CD2AP: variants seen among roughly 807,000 people sequenced by gnomAD.
CD2AP encodes the protein CD2-associated protein.
In CD2AP, 46 loss-of-function variants were observed where a neutral mutation model predicts 85.1. That is an observed-to-expected ratio of 0.54 (90% CI 0.43 to 0.69). The LOEUF (loss-of-function observed/expected upper bound fraction) is 0.69, where lower values mean the gene tolerates loss of function less well. CD2AP is among the 30% of genes least tolerant of loss of function. CD2AP has a pLI of 0.00. For synonymous variants in CD2AP, 255 were observed against 252.9 expected, an observed-to-expected ratio of 1.01 and a Z score of -0.08; for missense variants, 769 against 729.5, an observed-to-expected ratio of 1.05 and a Z score of -0.62.
At position 47,478,238 on chromosome 6, in the gene CD2AP, C is replaced by A; in HGVS notation, c.-7C>A. 6.4e-7 allele frequency: 1 copy of A among 1,572,106 alleles called. No individual in the cohort carries two copies. Among genetic ancestry groups the A allele is most frequent in the Non-Finnish European group, 8.6e-7 (1 of 1,159,240 alleles). ...GACGTCGGCTTCTCCCCGCGGGAGCCCCCAGCATGGGTAAGAGACTCGGGC... is the reference window on the plus strand; with the variant it reads ...GACGTCGGCTTCTCCCCGCGGGAGCACCCAGCATGGGTAAGAGACTCGGGC... On this transcript the variant is annotated 5_prime_UTR_variant, in exon 1 of 18. Coordinates refer to ENST00000359314, the MANE Select transcript of CD2AP (RefSeq NM_012120.3).
chr6:47,566,393 T>C (rs1458753828), intron 5 of CD2AP, among the ~76,000 whole-genome samples: 1 of 151,114 alleles, frequency 6.6e-6, no homozygotes, highest in Non-Finnish European at 1.5e-5. Flanking sequence ...CTCTGATATG[T>C]TGATGCTCAG....
intron 5 of CD2AP, among the ~76,000 whole-genome samples, chr6:47,561,190 G>A (rs1170988336): frequency 1.3e-5 from 2 of 152,150 alleles, no homozygotes; most frequent in Non-Finnish European, 2.9e-5. Flanking sequence ...TATACAATCT[G>A]ATGAGTTTGA....
intron 17 of CD2AP, among the ~76,000 whole-genome samples, chr6:47,622,795 C>T (rs1306612739): frequency 3.3e-5 from 5 of 152,170 alleles, no homozygotes; most frequent in Non-Finnish European, 7.3e-5. Flanking sequence ...TTAAAATACA[C>T]AATGCGAGTC....
chr6:47,497,210 T>C (rs1562003426), intron 1 of CD2AP, among the ~76,000 whole-genome samples: 1 of 151,876 alleles, frequency 6.6e-6, no homozygotes. Flanking sequence ...CCCTTTTTGC[T>C]TTCCCCTTTT....
chr6:47,545,692 G>T (rs561259082), intron 4 of CD2AP, among the ~76,000 whole-genome samples: 5 of 152,118 alleles, frequency 3.3e-5, no homozygotes, highest in African/African-American at 1.2e-4. Flanking sequence ...TCACATCACG[G>T]GACTCTGTGC....
chr6:47,563,400 T>A (rs1045244476), intron 5 of CD2AP, among the ~76,000 whole-genome samples: 8 of 152,224 alleles, frequency 5.3e-5, no homozygotes, highest in African/African-American at 1.9e-4. Flanking sequence ...CAGGAAACAT[T>A]AGAAAATATA....
At chr6:47,530,537 T>C (rs1305698740) in intron 2 of CD2AP, among the ~76,000 whole-genome samples, 2 of 152,256 alleles carry the variant, frequency 1.3e-5, no homozygotes, top group East Asian at 3.8e-4. Flanking sequence ...TCTTCATTTT[T>C]ATTGCTGAGT....
chr6:47,501,196 G>A (rs964364327), intron 1 of CD2AP, among the ~76,000 whole-genome samples: 1 of 152,152 alleles, frequency 6.6e-6, no homozygotes, highest in African/African-American at 2.4e-5. Context: ...AGAGCAGGCT[G>A]AGTAATATAG....
chr6:47,539,972 A>C (rs1174715887), intron 3 of CD2AP, among the ~76,000 whole-genome samples: 4 of 151,700 alleles, frequency 2.6e-5, no homozygotes, highest in African/African-American at 9.7e-5. Context: ...TGAGCCCAGG[A>C]GTTCAGGACC....
In CD2AP at chr6:47,624,283, C is replaced by G. The variant is rs953981613; in HGVS notation, c.*56C>G. 2 of 1,306,672 alleles carry G rather than the reference C, an allele frequency of 1.5e-6. No individual in the cohort carries two copies. The highest frequency in any genetic ancestry group is 1.8e-4 in the Middle Eastern group (1 of 5,532). The allele number at this position is 1,306,672 out of a possible 1,614,324, so 80.9% of individuals were successfully genotyped here. ...AGGGATTCAGAAGCAACGCTATGAA[C>G]TTCAGCTGACTTGTTACTTAAAAAT... On this transcript the variant is annotated 3_prime_UTR_variant, in exon 18 of 18. Transcript: ENST00000359314.
intron 11 of CD2AP, among the ~76,000 whole-genome samples, chr6:47,582,769 A>G (rs1273698981): frequency 2.1e-5 from 3 of 142,940 alleles, no homozygotes; most frequent in Middle Eastern, 3.7e-3. Context: ...TGCCAGGATC[A>G]TGTTTTTTTT....
intron 13 of CD2AP, among the ~76,000 whole-genome samples, chr6:47,601,841 A>G (rs1053474366): frequency 1.3e-5 from 2 of 152,064 alleles, no homozygotes; most frequent in African/African-American, 4.8e-5. Flanking sequence ...TTGAGGTTAA[A>G]TAATAGAAAG....
chr6:47,620,009 G>T, intron 17 of CD2AP, among the ~76,000 whole-genome samples: 2 of 152,330 alleles, frequency 1.3e-5, no homozygotes, highest in Middle Eastern at 6.8e-3. Context: ...TTCCCACTCT[G>T]TGGGTTGTCT....
intron 2 of CD2AP, among the ~76,000 whole-genome samples, chr6:47,521,716 A>T (rs1223734093): frequency 1.3e-5 from 2 of 152,148 alleles, no homozygotes; most frequent in African/African-American, 4.8e-5. Context: ...TTGCTTCTGA[A>T]GGTTAAGATA....
At chr6:47,491,526 T>G (rs1765736149) in intron 1 of CD2AP, among the ~76,000 whole-genome samples, 1 of 152,122 alleles carries the variant, frequency 6.6e-6, no homozygotes. Context: ...TTTGACAGAC[T>G]CAGTTAGATG....
At chr6:47,508,957 GGTGTAAGGGCCTA>G (rs1341710997) in intron 2 of CD2AP, among the ~76,000 whole-genome samples, 1 of 152,112 alleles carries the variant, frequency 6.6e-6, no homozygotes, top group South Asian at 2.1e-4. Context: ...CTTGGCTGTT[GGTGTAAGGGCCTA>G]GCTTTTGGCC....
intron 5 of CD2AP, among the ~76,000 whole-genome samples, chr6:47,556,588 A>C (rs2114066004): frequency 6.6e-6 from 1 of 152,170 alleles, no homozygotes; most frequent in Admixed American, 6.5e-5. Flanking sequence ...ACCTCAGGTG[A>C]TCCACACGCC....
At chr6:47,505,909 C>T (rs1766148044) in intron 2 of CD2AP, among the ~76,000 whole-genome samples, 1 of 115,686 alleles carries the variant, frequency 8.6e-6, no homozygotes, top group Non-Finnish European at 1.9e-5. Flanking sequence ...CTGACCCCCC[C>T]CACCTCCCTC....
intron 1 of CD2AP, 39 bp downstream of exon 1, chr6:47,478,287 T>A: frequency 6.4e-7 from 1 of 1,564,810 alleles, no homozygotes; most frequent in Non-Finnish European, 8.7e-7. Flanking sequence ...CGTCCGGACC[T>A]TCCAGACCCG....
Sources: gnomAD v4.1 joint callset for allele counts (sites outside exome capture counted in the v4.1 genomes callset) on GRCh38, gnomAD v4.1.1 for gene constraint, MANE v1.5 for transcripts, NCBI Gene and HGNC (gene_info 2026-07-23, HGNC 2026-07-21) for gene names.